The following RYR2 variants were observed in gnomAD, a reference collection of about 807,000 sequenced individuals.
RYR2 encodes cardiac muscle ryanodine receptor-calcium release channel.
In RYR2, 227 loss-of-function variants were observed where a neutral mutation model predicts 601.1. The observed-to-expected ratio is 0.38, with a 90% CI of 0.34 to 0.42. The LOEUF is 0.42. RYR2 is among the 10% of genes least tolerant of loss of function. The pLI is 1.00. For missense variants in RYR2, 4,646 were observed against 6,156.5 expected, an observed-to-expected ratio of 0.75 and a Z score of 8.21; for synonymous variants, 2,223 against 2,175.1, an observed-to-expected ratio of 1.02 and a Z score of -0.61.
chr1:237,152,375 G>A (rs190289570), intron 1 of RYR2, among the ~76,000 whole-genome samples: 87 of 152,306 alleles, frequency 5.7e-4, no homozygotes, highest in Non-Finnish European at 5.0e-4. Flanking sequence ...ACCCAGTAAT[G>A]GGATGGCTGG....
At position 237,655,824 on chromosome 1, in the gene RYR2, T is replaced by G. The variant is rs376527336; in HGVS notation, c.7969T>G (p.Tyr2657Asp). 1 of 1,583,496 alleles carries G rather than the reference T, an allele frequency of 6.3e-7. No homozygotes were observed. The highest frequency in any genetic ancestry group is 8.6e-7 in the Non-Finnish European group (1 of 1,167,278). ...TTTGGTCCTCCATTTTTCCCAGAAATATGAACAAGAACTTTTCAAACTGGC... is the reference window on the plus strand; with the variant it reads ...TTTGGTCCTCCATTTTTCCCAGAAAGATGAACAAGAACTTTTCAAACTGGC... ...GIFDALSQKK[Y>D]EQELFKLALP... is the part of the protein sequence containing the mutation. The change falls in exon 53 of 105, where the codon TAT (tyrosine) becomes GAT (aspartate). Residue 2657 changes from tyrosine (Y) to aspartate (D), a missense_variant. Transcript: ENST00000366574.
At chr1:237,402,362 G>C (rs1703423365) in intron 10 of RYR2, among the ~76,000 whole-genome samples, 1 of 151,158 alleles carries the variant, frequency 6.6e-6, no homozygotes, top group Non-Finnish European at 1.5e-5. Context: ...ACTCCAGTCT[G>C]GGTGGCAGAG....
intron 2 of RYR2, among the ~76,000 whole-genome samples, chr1:237,291,067 A>G (rs1692135541): frequency 6.6e-6 from 1 of 152,190 alleles, no homozygotes. Flanking sequence ...CTCTTTAAAA[A>G]GCAAGGTGAT....
intron 101 of RYR2, among the ~76,000 whole-genome samples, chr1:237,821,292 G>A (rs892198950): frequency 7.9e-5 from 12 of 152,162 alleles, no homozygotes; most frequent in Non-Finnish European, 1.3e-4. Flanking sequence ...CTGATATTTG[G>A]TGGGTGCCCC....
At chr1:237,398,525 T>G (rs1272262000) in intron 10 of RYR2, among the ~76,000 whole-genome samples, 1 of 152,172 alleles carries the variant, frequency 6.6e-6, no homozygotes, top group Admixed American at 6.5e-5. Flanking sequence ...TTATGACCCA[T>G]TATAGAAATG....
chr1:237,578,812 G>T (rs182932222), intron 29 of RYR2, among the ~76,000 whole-genome samples: 1 of 151,896 alleles, frequency 6.6e-6, no homozygotes, highest in Admixed American at 6.6e-5. Flanking sequence ...CGCTCCCTCA[G>T]TGTCTCTTCC....
In RYR2 at chr1:237,795,836, GTATATATATATATGTATATGTA is replaced by G. The variant is rs1553329287; in HGVS notation, c.13956+519_13956+540del. Among the ~76,000 whole-genome samples the G allele has an allele frequency of 8.3e-3, 1,101 of 132,666 alleles. 11 individuals are homozygous for G. The highest frequency in any genetic ancestry group is 0.02 in the South Asian group (84 of 4,168). The allele number at this position is 132,666 out of a possible 152,430, so 87.0% of individuals were successfully genotyped here. A position where few individuals can be genotyped will look rare whatever the true frequency, so the allele number is the denominator to read the frequency against. Reference sequence around the variant, plus strand: ...TATACAGGTATGTATGTGTGTGTGTGTATATATATATATGTATATGTATATATATATATATATACACATATAT... The same window carrying G: ...TATACAGGTATGTATGTGTGTGTGTGTATATATATATATATACACATATAT... On this transcript the variant is annotated intron_variant, in intron 96 of 104. Coordinates refer to ENST00000366574, the MANE Select transcript of RYR2 (RefSeq NM_001035.3).
intron 3 of RYR2, among the ~76,000 whole-genome samples, chr1:237,354,691 G>A (rs1699145437): frequency 6.6e-6 from 1 of 151,976 alleles, no homozygotes; most frequent in Non-Finnish European, 1.5e-5. Context: ...ATGTTTAAAA[G>A]GAGATCTTCA....
intron 17 of RYR2, among the ~76,000 whole-genome samples, 179 bp from the exon 18 acceptor site, chr1:237,491,627 A>G (rs190829535): frequency 1.3e-5 from 2 of 152,064 alleles, no homozygotes; most frequent in African/African-American, 2.4e-5. Flanking sequence ...TCATCTTTGG[A>G]TATTAGTCCC....
At chr1:237,124,715 C>T (rs1036518410) in intron 1 of RYR2, among the ~76,000 whole-genome samples, 1 of 152,186 alleles carries the variant, frequency 6.6e-6, no homozygotes, top group Non-Finnish European at 1.5e-5. Flanking sequence ...CCTTAACCCT[C>T]CCTTGACAGG....
intron 5 of RYR2, among the ~76,000 whole-genome samples, chr1:237,367,124 C>T (rs539019228): frequency 3.4e-4 from 52 of 151,934 alleles, no homozygotes; most frequent in African/African-American, 6.0e-4. Context: ...GATAGAATCT[C>T]GCTCTGTTGC....
intron 29 of RYR2, among the ~76,000 whole-genome samples, chr1:237,572,290 T>G (rs1672781185): frequency 6.6e-6 from 1 of 152,220 alleles, no homozygotes; most frequent in African/African-American, 2.4e-5. Flanking sequence ...TAAAAAATAC[T>G]TGACTGCTGT....
chr1:237,789,269 A>G (rs1230398475), intron 92 of RYR2, among the ~76,000 whole-genome samples: 4 of 152,148 alleles, frequency 2.6e-5, no homozygotes, highest in Non-Finnish European at 5.9e-5. Flanking sequence ...GAACTATAGA[A>G]TTTCACCTAT....
At chr1:237,464,716 A>G (rs1463333383) in intron 16 of RYR2, among the ~76,000 whole-genome samples, 2 of 152,160 alleles carry the variant, frequency 1.3e-5, no homozygotes, top group Non-Finnish European at 2.9e-5. Flanking sequence ...CAGTGTATAC[A>G]TTTACTTTAC....
At chr1:237,291,190 C>T (rs1400860480) in intron 2 of RYR2, among the ~76,000 whole-genome samples, 3 of 151,988 alleles carry the variant, frequency 2.0e-5, no homozygotes, top group Middle Eastern at 3.2e-3. Flanking sequence ...CATGCACATA[C>T]GTATTCATGT....
chr1:237,082,792 T>C (rs2148408601), intron 1 of RYR2, among the ~76,000 whole-genome samples: 1 of 152,122 alleles, frequency 6.6e-6, no homozygotes, highest in East Asian at 1.9e-4. Context: ...GAAAGTTAGG[T>C]GTGAATACAC....
At chr1:237,380,569 C>G (rs545075550) in intron 8 of RYR2, among the ~76,000 whole-genome samples, 10 of 150,558 alleles carry the variant, frequency 6.6e-5, no homozygotes, top group South Asian at 2.1e-4. Flanking sequence ...CAACAAGGCT[C>G]GTAGTTCTGT....
intron 27 of RYR2, among the ~76,000 whole-genome samples, chr1:237,563,191 T>G (rs976228183): frequency 1.4e-4 from 22 of 152,094 alleles, no homozygotes; most frequent in African/African-American, 5.1e-4. Flanking sequence ...GTGGATCACC[T>G]GAGGCTCGAA....
intron 52 of RYR2, 108 bp downstream of exon 52, chr1:237,654,522 A>C: frequency 9.4e-7 from 1 of 1,060,240 alleles, no homozygotes; most frequent in Non-Finnish European, 1.3e-6. Flanking sequence ...TAACCAAGAC[A>C]CGTATGGCTT....
Sources: gnomAD v4.1 joint callset for allele counts (sites outside exome capture counted in the v4.1 genomes callset) on GRCh38, gnomAD v4.1.1 for gene constraint, MANE v1.5 for transcripts, NCBI Gene and HGNC (gene_info 2026-07-23, HGNC 2026-07-21) for gene names.